DYM: variants seen among roughly 807,000 people sequenced by gnomAD.
DYM encodes the protein dyggve-Melchior-Clausen syndrome protein.
Under a neutral mutation model 93.1 loss-of-function variants are expected in DYM, and 78 were observed. The ratio of observed to expected loss-of-function variants is 0.84; its 90% CI spans 0.70 to 1.01. The LOEUF (loss-of-function observed/expected upper bound fraction) is 1.01. Among genes scored for constraint, DYM ranks in the 50% least tolerant of loss-of-function variants. DYM has a pLI of 0.00. For synonymous variants in DYM, 321 were observed against 319.7 expected (o/e 1.00, Z -0.04); for missense variants, 789 against 845.0 (o/e 0.93, Z 0.82).
chr18:49,081,374 C>A (rs1320482133), intron 17 of DYM, among the ~76,000 whole-genome samples: 1 of 151,646 alleles, frequency 6.6e-6, no homozygotes, highest in Non-Finnish European at 1.5e-5. Flanking sequence ...CGTGGTGGCG[C>A]GTGCCTGCAA....
intron 1 of DYM, among the ~76,000 whole-genome samples, chr18:49,441,339 A>ATATAATATAAT (rs2081600119): frequency 5.3e-5 from 4 of 75,940 alleles, no homozygotes; most frequent in East Asian, 6.6e-4. Context: ...ATATAATTAT[A>ATATAATATAAT]TATAATTAAT....
intron 13 of DYM, among the ~76,000 whole-genome samples, chr18:49,234,456 A>G (rs2093801825): frequency 1.3e-5 from 2 of 152,108 alleles, no homozygotes; most frequent in South Asian, 4.1e-4. Context: ...CTGTCTCAAA[A>G]AAAAGAAAAG....
At chr18:49,067,185 T>G (rs1260156379) in intron 17 of DYM, among the ~76,000 whole-genome samples, 1 of 109,320 alleles carries the variant, frequency 9.1e-6, no homozygotes, top group Non-Finnish European at 1.9e-5. Flanking sequence ...GGAGGTTCAG[T>G]AGAGGAAGGA....
At chr18:49,452,549 G>A (rs190762941) in intron 1 of DYM, among the ~76,000 whole-genome samples, 6 of 152,292 alleles carry the variant, frequency 3.9e-5, no homozygotes, top group African/African-American at 1.2e-4. Context: ...GATACAGAGT[G>A]CTGATTGGTG....
intron 6 of DYM, among the ~76,000 whole-genome samples, chr18:49,357,266 G>T (rs2065648004): frequency 6.6e-6 from 1 of 152,074 alleles, no homozygotes; most frequent in South Asian, 2.1e-4. Context: ...TATGTTCAGG[G>T]TCTACTCCAC....
chr18:49,114,503 C>T, intron 16 of DYM: 1 of 960,576 alleles, frequency 1.0e-6, no homozygotes, highest in South Asian at 4.8e-5. Flanking sequence ...ATACTGTGTA[C>T]TTACAGTGAG....
intron 16 of DYM, among the ~76,000 whole-genome samples, chr18:49,102,885 T>C (rs1352297471): frequency 1.3e-5 from 2 of 152,196 alleles, no homozygotes; most frequent in African/African-American, 4.8e-5. Flanking sequence ...CACGTGTGCA[T>C]GTGTCTTTAT....
At chr18:49,122,212 A>G (rs1386709557) in intron 15 of DYM, among the ~76,000 whole-genome samples, 1 of 152,152 alleles carries the variant, frequency 6.6e-6, no homozygotes, top group African/African-American at 2.4e-5. Flanking sequence ...AGATTCCAGG[A>G]GAGGGATTGC....
intron 14 of DYM, among the ~76,000 whole-genome samples, chr18:49,179,204 G>A (rs142064548): frequency 2.4e-4 from 37 of 152,190 alleles, no homozygotes; most frequent in Non-Finnish European, 3.2e-4. Context: ...CTTCATGTAT[G>A]AGACTATTAC....
chr18:49,398,847 C>T (rs1055032883), intron 2 of DYM, among the ~76,000 whole-genome samples: 2 of 152,110 alleles, frequency 1.3e-5, no homozygotes, highest in African/African-American at 4.8e-5. Context: ...ATGAATTACT[C>T]GGTTTATTGG....
At chr18:49,174,060 A>G (rs1319127519) in intron 14 of DYM, among the ~76,000 whole-genome samples, 1 of 152,126 alleles carries the variant, frequency 6.6e-6, no homozygotes, top group Non-Finnish European at 1.5e-5. Context: ...ATTTCTTTTC[A>G]TAAATGGCCA....
chr18:49,455,572 C>T (rs1464131071), intron 1 of DYM, among the ~76,000 whole-genome samples: 1 of 152,088 alleles, frequency 6.6e-6, no homozygotes, highest in Non-Finnish European at 1.5e-5. Flanking sequence ...GAGTAACATG[C>T]CAAAGCAAAT....
chr18:49,089,994 A>T (rs1356198950), intron 17 of DYM, among the ~76,000 whole-genome samples: 1 of 152,178 alleles, frequency 6.6e-6, no homozygotes, highest in Non-Finnish European at 1.5e-5. Flanking sequence ...CTGTACCAAC[A>T]TCCTGCAAAT....
intron 2 of DYM, among the ~76,000 whole-genome samples, chr18:49,421,046 G>C (rs1393379053): frequency 6.6e-6 from 1 of 152,202 alleles, no homozygotes; most frequent in East Asian, 1.9e-4. Flanking sequence ...AGAACTGCCT[G>C]CCTCTGTAGA....
At chr18:49,309,901 C>A (rs571423295) in intron 8 of DYM, among the ~76,000 whole-genome samples, 30 of 152,106 alleles carry the variant, frequency 2.0e-4, no homozygotes, top group Non-Finnish European at 4.1e-4. Flanking sequence ...GGGTCGAAAT[C>A]AACCCTATCC....
intron 1 of DYM, among the ~76,000 whole-genome samples, chr18:49,454,938 G>C (rs2082850516): frequency 6.8e-6 from 1 of 147,594 alleles, no homozygotes; most frequent in African/African-American, 2.5e-5. Flanking sequence ...AAAATCTGCT[G>C]CGGTCCATGG....
chr18:49,173,607 A>C (rs544821486), intron 14 of DYM, among the ~76,000 whole-genome samples: 1 of 152,240 alleles, frequency 6.6e-6, no homozygotes, highest in South Asian at 2.1e-4. Context: ...ATGTAGAAAT[A>C]AATTTGCTAT....
intron 14 of DYM, among the ~76,000 whole-genome samples, chr18:49,174,412 A>G (rs183526288): frequency 6.6e-6 from 1 of 152,304 alleles, no homozygotes; most frequent in East Asian, 1.9e-4. Context: ...GGACTATACT[A>G]TTCATAAATG....
intron 2 of DYM, among the ~76,000 whole-genome samples, chr18:49,414,315 G>C (rs193061410): frequency 6.6e-6 from 1 of 152,220 alleles, no homozygotes; most frequent in East Asian, 1.9e-4. Flanking sequence ...GGTTACAAGA[G>C]TCAAGAGGAC....
Sources: gnomAD v4.1 joint callset for allele counts (sites outside exome capture counted in the v4.1 genomes callset) on GRCh38, gnomAD v4.1.1 for gene constraint, MANE v1.5 for transcripts, NCBI Gene and HGNC (gene_info 2026-07-23, HGNC 2026-07-21) for gene names.